Variants in ZCCHC2 observed in about 807,000 individuals in gnomAD.
ZCCHC2 encodes the protein zinc finger CCHC domain-containing protein 2.
Under a neutral mutation model 103.6 loss-of-function variants are expected in ZCCHC2, and 39 were observed. The ratio of observed to expected loss-of-function variants is 0.38; its 90% CI spans 0.29 to 0.49. The LOEUF is 0.49. ZCCHC2 is among the 20% of genes least tolerant of loss of function. The pLI, the probability that ZCCHC2 is intolerant of heterozygous loss-of-function variation, is 0.96. For synonymous variants in ZCCHC2, 687 were observed against 608.9 expected (o/e 1.13, Z -1.89); for missense variants, 1,483 against 1,491.0 (o/e 0.99, Z 0.09).
At chr18:62,565,278 T>C (rs1238455686) in intron 11 of ZCCHC2, among the ~76,000 whole-genome samples, 182 bp downstream of exon 11, 1 of 152,172 alleles carries the variant, frequency 6.6e-6, no homozygotes, top group Non-Finnish European at 1.5e-5. Flanking sequence ...ATTTAGGGAA[T>C]ACAAACCAGC....
intron 9 of ZCCHC2, among the ~76,000 whole-genome samples, chr18:62,563,552 G>A (rs1367451277): frequency 6.6e-6 from 1 of 152,166 alleles, no homozygotes; most frequent in Non-Finnish European, 1.5e-5. Context: ...AGCTACTCGG[G>A]AGGCTGAGGC....
At chr18:62,535,564 C>CCCTAGACCCCTCTCCTCTCT (rs1307973991) in intron 1 of ZCCHC2, among the ~76,000 whole-genome samples, 1 of 152,178 alleles carries the variant, frequency 6.6e-6, no homozygotes, top group African/African-American at 2.4e-5. Context: ...CAGATGGCAT[C>CCCTAGACCCCTCTCCTCTCT]CCTAGACCCC....
chr18:62,539,843 A>C, intron 2 of ZCCHC2, 51 bp downstream of exon 2: 1 of 1,415,266 alleles, frequency 7.1e-7, no homozygotes, highest in Non-Finnish European at 9.8e-7. Context: ...AAAAGATTAC[A>C]GGGTGCTCTT....
In ZCCHC2 at chr18:62,574,474, C is replaced by T; in HGVS notation, c.2393C>T (p.Thr798Ile). 1 of 1,613,992 alleles carries T rather than the reference C, an allele frequency of 6.2e-7. No individual in the cohort carries two copies. The highest frequency in any genetic ancestry group is 1.6e-4 in the Middle Eastern group (1 of 6,062). The change falls in exon 13 of 14, where the codon ACC becomes ATC. Residue 798 changes from threonine (T) to isoleucine (I), a missense_variant. Thr to Ile is a moderately conservative substitution (Grantham distance 89). Transcript: ENST00000269499. ...LLASPLPIPS[T>I]FLPHSSTPAL... ...GCTTCCCCTTTACCTATTCCATCAA[C>T]CTTCCTTCCACACAGTAGTACTCCC...
intron 11 of ZCCHC2, among the ~76,000 whole-genome samples, chr18:62,566,613 TTTGGGA>T: frequency 6.6e-6 from 1 of 152,366 alleles, no homozygotes; most frequent in East Asian, 1.9e-4. Flanking sequence ...TCTCACAGTG[TTTGGGA>T]ACTACTGCTC....
At chr18:62,547,201 C>G (rs368114160) in intron 4 of ZCCHC2, among the ~76,000 whole-genome samples, 38 of 151,968 alleles carry the variant, frequency 2.5e-4, no homozygotes, top group African/African-American at 8.9e-4. Context: ...TGGCGGGCGC[C>G]TGTAATCACA....
At chr18:62,538,182 A>G (rs1915008985) in intron 1 of ZCCHC2, among the ~76,000 whole-genome samples, 1 of 150,876 alleles carries the variant, frequency 6.6e-6, no homozygotes, top group Admixed American at 6.6e-5. Flanking sequence ...GATCACTTGA[A>G]GCCGGGAATT....
chr18:62,564,785 G>A, intron 10 of ZCCHC2, 150 bp downstream of exon 10: 1 of 748,920 alleles, frequency 1.3e-6, no homozygotes, highest in Non-Finnish European at 2.1e-6. Flanking sequence ...ATTAATATAT[G>A]CAGGTGATAA....
chr18:62,541,250 C>T (rs554132874), intron 2 of ZCCHC2, among the ~76,000 whole-genome samples: 31 of 152,196 alleles, frequency 2.0e-4, no homozygotes, highest in Non-Finnish European at 3.1e-4. Context: ...ATTTCTGGCC[C>T]GCAAAGGGGA....
intron 1 of ZCCHC2, among the ~76,000 whole-genome samples, chr18:62,534,594 G>T (rs1214604656): frequency 2.0e-5 from 3 of 152,166 alleles, no homozygotes; most frequent in Non-Finnish European, 2.9e-5. Flanking sequence ...TGAAGTGAAC[G>T]CTCTATAACA....
At chr18:62,556,115 C>A in intron 5 of ZCCHC2, 88 bp from the exon 6 acceptor site, 1 of 950,886 alleles carries the variant, frequency 1.1e-6, no homozygotes, top group Non-Finnish European at 1.6e-6. Flanking sequence ...ATTAAACTGC[C>A]ACTTCATTCT....
chr18:62,566,339 C>A (rs1568554972), intron 11 of ZCCHC2, among the ~76,000 whole-genome samples: 2 of 152,262 alleles, frequency 1.3e-5, no homozygotes, highest in South Asian at 2.1e-4. Context: ...TGGACAAAAC[C>A]CATCTTGTCT....
chr18:62,523,411 C>G lies in ZCCHC2; in HGVS notation c.-14C>G. ...CCCGCCCCCGCTCGCATGTCTGCGCCGCCCTAGCCGAGGATGCTGAGGATG... is the reference window on the plus strand; with the variant it reads ...CCCGCCCCCGCTCGCATGTCTGCGCGGCCCTAGCCGAGGATGCTGAGGATG... On this transcript the variant is annotated 5_prime_UTR_variant, in exon 1 of 14. Coordinates refer to ENST00000269499, the MANE Select transcript of ZCCHC2 (RefSeq NM_017742.6). 1 of 1,036,788 alleles carries G rather than the reference C, an allele frequency of 9.6e-7. No individual in the cohort carries two copies. Among genetic ancestry groups the G allele is most frequent in the Non-Finnish European group, 1.2e-6 (1 of 858,726 alleles). 64.2% of individuals were successfully genotyped at this position (1,036,788 alleles called of 1,614,324 possible). A position where few individuals can be genotyped will look rare whatever the true frequency, so the allele number is the denominator to read the frequency against.
At chr18:62,535,314 A>G (rs1160109515) in intron 1 of ZCCHC2, among the ~76,000 whole-genome samples, 1 of 152,190 alleles carries the variant, frequency 6.6e-6, no homozygotes, top group East Asian at 1.9e-4. Flanking sequence ...TTCTAGGGTT[A>G]AAAGATGTTT....
In ZCCHC2 at chr18:62,574,307, C is replaced by A; in HGVS notation, c.2226C>A (p.Pro742=). 6.2e-7 allele frequency: 1 copy of A among 1,614,048 alleles called. No individual in the cohort carries two copies. The highest frequency in any genetic ancestry group is 2.2e-5 in the East Asian group (1 of 44,894). The change falls in exon 13 of 14, where the codon CCC becomes CCA. Residue 742 remains proline, a synonymous_variant. Coordinates refer to ENST00000269499, the MANE Select transcript of ZCCHC2 (RefSeq NM_017742.6). ...AAGTTGTCGTTCCTGCACCCAAACCCGCTGATGGCAAAACCATAGGGATGC... is the reference window on the plus strand; with the variant it reads ...AAGTTGTCGTTCCTGCACCCAAACCAGCTGATGGCAAAACCATAGGGATGC... The part of the protein sequence containing the change: ...KSEVVVPAPK[P]ADGKTIGMLV...
At chr18:62,550,287 G>T in intron 4 of ZCCHC2, 61 bp from the exon 5 acceptor site, 1 of 1,270,260 alleles carries the variant, frequency 7.9e-7, no homozygotes. Flanking sequence ...CATATAACTT[G>T]TAACATCTTT....
At chr18:62,526,009 TATC>T (rs1914375306) in intron 1 of ZCCHC2, 1 of 152,252 alleles carries the variant, frequency 6.6e-6, no homozygotes, top group Non-Finnish European at 1.5e-5. Context: ...TGGAACCTCA[TATC>T]ATTCCATTCA....
In ZCCHC2 at chr18:62,524,155, A is replaced by C; in HGVS notation, c.731A>C (p.Glu244Ala). Residue 244 changes from glutamate to alanine, a missense_variant, in exon 1 of 14, where the codon GAG (glutamate) becomes GCG (alanine). Coordinates refer to ENST00000269499, the MANE Select transcript of ZCCHC2 (RefSeq NM_017742.6). ...TCAGGCCCGGAAGGCGGCATTGTGG[A>C]GCCCCGGGTCGGCGGCGGGCTTGGC... is the stretch of plus-strand genomic sequence containing the variant. ...DGSGPEGGIV[E>A]PRVGGGLGSR... 6.5e-7 allele frequency: 1 copy of C among 1,545,294 alleles called. No individual in the cohort carries two copies. The highest frequency in any genetic ancestry group is 1.2e-5 in the South Asian group (1 of 83,888).
chr18:62,547,904 C>A (rs1309898947), intron 4 of ZCCHC2, among the ~76,000 whole-genome samples: 1 of 152,128 alleles, frequency 6.6e-6, no homozygotes, highest in Non-Finnish European at 1.5e-5. Context: ...TGTCATTTCT[C>A]ATGATCAGAA....
Sources: allele counts gnomAD v4.1 joint callset (sites outside exome capture counted in the v4.1 genomes callset), GRCh38; gene constraint gnomAD v4.1.1; transcripts MANE v1.5; gene names NCBI Gene and HGNC (gene_info 2026-07-23, HGNC 2026-07-21).